The following ASB3 variants were observed in gnomAD, a reference collection of about 807,000 sequenced individuals.
The protein encoded by ASB3 is ankyrin repeat and SOCS box protein 3.
A neutral mutation model predicts 54.5 loss-of-function variants in ASB3; 41 were observed. The ratio of observed to expected loss-of-function variants is 0.75; its 90% CI spans 0.59 to 0.98. The LOEUF (loss-of-function observed/expected upper bound fraction) is 0.98. Among genes scored for constraint, ASB3 ranks in the 50% least tolerant of loss-of-function variants. The pLI, the probability that ASB3 is intolerant of heterozygous loss-of-function variation, is 0.00. For missense variants in ASB3, 733 were observed against 620.0 expected, an observed-to-expected ratio of 1.18 and a Z score of -1.94; for synonymous variants, 266 against 221.2, an observed-to-expected ratio of 1.20 and a Z score of -1.80.
At chr2:53,742,022 G>C (rs1234539295) in intron 3 of ASB3, among the ~76,000 whole-genome samples, 1 of 152,126 alleles carries the variant, frequency 6.6e-6, no homozygotes, top group African/African-American at 2.4e-5. Context: ...TCCCTCTGAG[G>C]AACAAAACTA....
chr2:53,721,560 ACT>A (rs1185558548), intron 5 of ASB3, among the ~76,000 whole-genome samples: 1 of 152,054 alleles, frequency 6.6e-6, no homozygotes, highest in African/African-American at 2.4e-5. Flanking sequence ...ATAGAGTGAG[ACT>A]CTGTCTCAAA....
chr2:53,715,064 G>T (rs1166882204), intron 6 of ASB3, among the ~76,000 whole-genome samples: 8 of 151,892 alleles, frequency 5.3e-5, no homozygotes, highest in Admixed American at 5.2e-4. Flanking sequence ...ATGAAATTAA[G>T]ACTAATGTTT....
Position 53,726,759 on chromosome 2 carries a change from C to A in ASB3, c.604+1953G>T, listed in dbSNP as rs112010524. 9.5e-3 allele frequency among the ~76,000 whole-genome samples: 1,434 copies of A among 151,690 alleles called. 23 individuals are homozygous for A. The highest frequency in any genetic ancestry group is 0.033 in the African/African-American group (1,348 of 41,338). ...TTGCCCAGACTGGAGTGCGGTGGTG[C>A]GATCTTAGCTCACTACAACCTCTGC... On this transcript the variant is annotated intron_variant, in intron 5 of 9. Transcript: ENST00000263634.
At chr2:53,689,965 T>C (rs1668821770) in intron 9 of ASB3, among the ~76,000 whole-genome samples, 1 of 152,108 alleles carries the variant, frequency 6.6e-6, no homozygotes, top group African/African-American at 2.4e-5. Context: ...AGGCACAGTG[T>C]CTCATGCCTA....
intron 5 of ASB3, 46 bp downstream of exon 5, chr2:53,728,666 T>A: frequency 7.0e-7 from 1 of 1,432,272 alleles, no homozygotes; most frequent in South Asian, 1.8e-5. Context: ...AAATATAGTT[T>A]AAAGCTCATG....
intron 3 of ASB3, among the ~76,000 whole-genome samples, chr2:53,730,484 TG>T (rs1558544920): frequency 6.6e-6 from 1 of 152,176 alleles, no homozygotes; most frequent in African/African-American, 2.4e-5. Flanking sequence ...TCTTGGTGAT[TG>T]TGAATGGTGC....
intron 6 of ASB3, among the ~76,000 whole-genome samples, chr2:53,716,083 C>T (rs1670371723): frequency 6.6e-6 from 1 of 152,142 alleles, no homozygotes; most frequent in African/African-American, 2.4e-5. Context: ...CTGGAACCCC[C>T]ATTTACTCTC....
chr2:53,729,675 GCT>G (rs1671193688), intron 3 of ASB3, 105 bp from the exon 4 acceptor site: 7 of 877,106 alleles, frequency 8.0e-6, no homozygotes, highest in Non-Finnish European at 1.3e-5. Flanking sequence ...GAACCACAAT[GCT>G]CTGATTATTC....
intron 1 of ASB3, chr2:53,774,138 A>G: frequency 1.9e-6 from 3 of 1,581,286 alleles, no homozygotes; most frequent in African/African-American, 1.4e-5. Flanking sequence ...TCATTTTTCA[A>G]CAGGGATGTG....
intron 5 of ASB3, among the ~76,000 whole-genome samples, chr2:53,725,054 G>A (rs1230510909): frequency 1.3e-5 from 2 of 152,086 alleles, no homozygotes; most frequent in Non-Finnish European, 2.9e-5. Flanking sequence ...GATACCTGGT[G>A]GATCAGATAA....
At chr2:53,752,962 GAA>G (rs1048853172) in intron 2 of ASB3, among the ~76,000 whole-genome samples, 3 of 148,798 alleles carry the variant, frequency 2.0e-5, no homozygotes, top group African/African-American at 7.4e-5. Context: ...CACTTAAAAA[GAA>G]AAAAAAGACA....
chr2:53,774,762 T>A (rs1433408766), intron 1 of ASB3: 2 of 352,320 alleles, frequency 5.7e-6, no homozygotes, highest in Non-Finnish European at 1.0e-5. Context: ...AGAAGTGAGT[T>A]CTTTAGAAAA....
chr2:53,728,873 T>A (rs1558543567), intron 4 of ASB3, 26 bp from the exon 5 acceptor site: 3 of 1,553,224 alleles, frequency 1.9e-6, no homozygotes, highest in African/African-American at 2.8e-5. Context: ...ACATTTTAAA[T>A]AAGAAAAAAA....
At chr2:53,735,574 A>T (rs1572935589) in intron 3 of ASB3, among the ~76,000 whole-genome samples, 1 of 152,004 alleles carries the variant, frequency 6.6e-6, no homozygotes, top group East Asian at 1.9e-4. Context: ...AAACAATCTA[A>T]CGATTCAATG....
intron 1 of ASB3, chr2:53,768,140 G>C: frequency 3.4e-6 from 4 of 1,163,950 alleles, no homozygotes; most frequent in Non-Finnish European, 4.7e-6. Flanking sequence ...CAAAGCACAT[G>C]GCTTGGGGTA....
chr2:53,671,546 C>T (rs993310008), intron 9 of ASB3, among the ~76,000 whole-genome samples: 5 of 152,006 alleles, frequency 3.3e-5, no homozygotes, highest in Non-Finnish European at 4.4e-5. Flanking sequence ...GATCACCTGA[C>T]GTCAGGAGTT....
In ASB3 at chr2:53,673,191, T is replaced by C. The variant is rs187043954; in HGVS notation, c.1370-2501A>G. 9.1e-4 allele frequency among the ~76,000 whole-genome samples: 139 copies of C among 152,366 alleles called. 3 individuals are homozygous for C. Among genetic ancestry groups the C allele is most frequent in the Admixed American group, 8.0e-3 (122 of 15,298 alleles). On this transcript the variant is annotated intron_variant, in intron 9 of 9. Transcript: ENST00000263634. ...TGTTTTTAAAGAGAATTTCTACTTA[T>C]ATTCAGTTAGAGTTTAACAGGCATC... is the stretch of plus-strand genomic sequence containing the variant.
chr2:53,774,432 C>A lies in ASB3; in HGVS notation c.-13-8847G>T. ...TTGAACTTGCAAATTCTATTAGGAACCTTGTGCCAGAAGAAGCAGATGAGC... is the reference window on the plus strand; with the variant it reads ...TTGAACTTGCAAATTCTATTAGGAAACTTGTGCCAGAAGAAGCAGATGAGC... On this transcript the variant is annotated intron_variant, in intron 1 of 9. Coordinates refer to ENST00000263634, the MANE Select transcript of ASB3 (RefSeq NM_016115.5). 2 of 1,610,868 alleles carry A rather than the reference C, an allele frequency of 1.2e-6. No homozygotes were observed. Among genetic ancestry groups the A allele is most frequent in the Non-Finnish European group, 1.7e-6 (2 of 1,179,290 alleles).
intron 9 of ASB3, among the ~76,000 whole-genome samples, chr2:53,671,354 GT>G: frequency 2.9e-4 from 2 of 6,834 alleles, no homozygotes; most frequent in East Asian, 5.9e-3. Context: ...AACCCAAAGC[GT>G]GTGTGTGTGT....
Sources: gnomAD v4.1 joint callset for allele counts (sites outside exome capture counted in the v4.1 genomes callset) on GRCh38, gnomAD v4.1.1 for gene constraint, MANE v1.5 for transcripts, NCBI Gene and HGNC (gene_info 2026-07-23, HGNC 2026-07-21) for gene names.